RPP30: variants seen among roughly 807,000 people sequenced by gnomAD.
The protein encoded by RPP30 is ribonuclease P/MRP subunit p30, also known as ribonuclease P protein subunit p30.
RPP30 carries 36 observed loss-of-function variants against 38.6 expected under a neutral mutation model. The observed-to-expected ratio is 0.93, with a 90% CI of 0.71 to 1.23. The LOEUF (loss-of-function observed/expected upper bound fraction) is 1.23, where lower values mean the gene tolerates loss of function less well. Ranked by LOEUF, RPP30 falls within the 50% of genes most tolerant of loss-of-function variation. The pLI is 0.00. For missense variants in RPP30, 321 were observed against 321.7 expected (o/e 1.00, Z 0.02); for synonymous variants, 126 against 112.7 (o/e 1.12, Z -0.75).
Position 90,894,856 on chromosome 10 carries a change from A to G in RPP30, c.514A>G (p.Ser172Gly). Reference sequence around the variant, plus strand: ...CACAATGAGAAGGTATACAATTTCCAGTGCCCTCAATTTGATGCAAATCTG... The same window carrying G: ...CACAATGAGAAGGTATACAATTTCCGGTGCCCTCAATTTGATGCAAATCTG... ...DSTMRRYTIS[S>G]ALNLMQICKG... The change falls in exon 7 of 11, where the codon AGT becomes GGT. Residue 172 changes from serine (S) to glycine (G), a missense_variant. Coordinates refer to ENST00000371703, the MANE Select transcript of RPP30 (RefSeq NM_006413.5). The G allele has an allele frequency of 6.2e-7, 1 of 1,612,978 alleles. No individual in the cohort carries two copies.
At position 90,891,689 on chromosome 10, in the gene RPP30, A is replaced by G. The variant is rs551348101; in HGVS notation, c.433-3086A>G. ...GCTGACTTGGAAGAGCTTTCATGTC[A>G]GGACAACAATGCAGCAGACTACCTT... On this transcript the variant is annotated intron_variant, in intron 6 of 10. Transcript: ENST00000371703. Among the ~76,000 whole-genome samples the G allele has an allele frequency of 2.1e-3, 323 of 152,370 alleles. 2 individuals carry two copies. Among genetic ancestry groups the G allele is most frequent in the African/African-American group, 7.4e-3 (308 of 41,586 alleles).
Position 90,901,034 on chromosome 10 carries a change from TG to T in RPP30, c.*357del, listed in dbSNP as rs1311273600. 8.2e-6 allele frequency: 6 copies of T among 731,286 alleles called. No homozygotes were observed. Among genetic ancestry groups the T allele is most frequent in the African/African-American group, 1.9e-5 (1 of 51,420 alleles). 45.3% of individuals were successfully genotyped at this position (731,286 alleles called of 1,614,324 possible). On this transcript the variant is annotated 3_prime_UTR_variant, in exon 11 of 11. Coordinates refer to ENST00000371703, the MANE Select transcript of RPP30 (RefSeq NM_006413.5). ...CTTTGTTGCTCAGGCTGGAGTACAGTGGCATAATCACAGCTCACTGCAACCT... is the reference window on the plus strand; with the variant it reads ...CTTTGTTGCTCAGGCTGGAGTACAGTGCATAATCACAGCTCACTGCAACCT...
At chr10:90,908,165 ATTTTAT>A (rs1847273682), downstream of RPP30, 1 of 152,152 alleles carries the variant, frequency 6.6e-6, no homozygotes, top group Non-Finnish European at 1.5e-5. Flanking sequence ...TTTCAGCTTC[ATTTTAT>A]TTTTATGGGA....
intron 10 of RPP30, among the ~76,000 whole-genome samples, chr10:90,900,359 A>G (rs934107640): frequency 3.9e-5 from 6 of 152,256 alleles, no homozygotes; most frequent in Non-Finnish European, 8.8e-5. Context: ...CCCATGAGGT[A>G]ATCTTTAGGA....
chr10:90,907,507 A>G (rs1025605200), downstream of RPP30, among the ~76,000 whole-genome samples: 34 of 152,240 alleles, frequency 2.2e-4, no homozygotes, highest in African/African-American at 7.0e-4. Context: ...CCTTCTGGTT[A>G]TGGACTATGC....
At chr10:90,898,608 A>T (rs1013688146) in intron 10 of RPP30, among the ~76,000 whole-genome samples, 1 of 152,214 alleles carries the variant, frequency 6.6e-6, no homozygotes, top group Non-Finnish European at 1.5e-5. Context: ...ATGTCTACTC[A>T]GTCCTTAAAG....
chr10:90,906,236 T>C (rs76854523), downstream of RPP30, among the ~76,000 whole-genome samples: 4,998 of 152,252 alleles, frequency 0.033, 98 homozygotes, highest in Middle Eastern at 0.099. Context: ...CAAGGATGGC[T>C]TCCTGGAGGA....
chr10:90,893,506 G>A (rs1266040159), intron 6 of RPP30, among the ~76,000 whole-genome samples: 1 of 152,146 alleles, frequency 6.6e-6, no homozygotes, highest in Non-Finnish European at 1.5e-5. Context: ...TCTCTATGCT[G>A]AAAATCCTTC....
Position 90,901,402 on chromosome 10 carries a change from GCTT to G in RPP30, c.*727_*729del. 1 of 984,646 alleles carries G rather than the reference GCTT, an allele frequency of 1.0e-6. No homozygotes were observed. Among genetic ancestry groups the G allele is most frequent in the Non-Finnish European group, 1.2e-6 (1 of 829,288 alleles). 61.0% of individuals were successfully genotyped at this position (984,646 alleles called of 1,614,324 possible). A position where few individuals can be genotyped will look rare whatever the true frequency, so the allele number is the denominator to read the frequency against. The stretch of plus-strand genomic sequence containing the variant: ...GTGACTTTAGTTCCTCTTGTTTTAA[GCTT>G]CTTTCATGTATTCAAATCAGCATTT... On this transcript the variant is annotated 3_prime_UTR_variant, in exon 11 of 11. Transcript: ENST00000371703.
rs1187721181 is a variant in RPP30 at position 90,875,457 on chromosome 10, A to G, written c.139-101A>G. 18 of 926,682 alleles carry G rather than the reference A, an allele frequency of 1.9e-5. No individual in the cohort carries two copies. In the Admixed American group the frequency reaches 2.5e-4, roughly 13 times the overall value. 57.4% of individuals were successfully genotyped at this position (926,682 alleles called of 1,614,324 possible). ...AGAAATCACCTTGCTTTCTTTTTAAAAAAAATGCATATTTTTTCTGAGAAC... is the reference window on the plus strand; with the variant it reads ...AGAAATCACCTTGCTTTCTTTTTAAGAAAAATGCATATTTTTTCTGAGAAC... On this transcript the variant is annotated intron_variant, in intron 2 of 10. Transcript: ENST00000371703.
intron 6 of RPP30, among the ~76,000 whole-genome samples, chr10:90,891,390 C>G (rs1847080019): frequency 6.6e-6 from 1 of 152,188 alleles, no homozygotes; most frequent in South Asian, 2.1e-4. Flanking sequence ...AGGGGCCTAC[C>G]CTATTCCAAT....
intron 5 of RPP30, 76 bp from the exon 6 acceptor site, chr10:90,885,736 C>G (rs1846991720): frequency 1.2e-6 from 1 of 845,130 alleles, no homozygotes; most frequent in African/African-American, 1.7e-5. Flanking sequence ...TACTTTATAT[C>G]GAGTTTGACC....
chr10:90,901,885 C>T lies in RPP30; in HGVS notation c.*1206C>T. 1.6e-6 allele frequency: 1 copy of T among 620,696 alleles called. No homozygotes were observed. The highest frequency in any genetic ancestry group is 2.0e-6 in the Non-Finnish European group (1 of 500,938). 38.4% of individuals were successfully genotyped at this position (620,696 alleles called of 1,614,324 possible). ...CCAGGCTGGAGTGCAGTGGCTCGAT[C>T]TCTGCTCACTGCAAGCTCCGCCTCC... is the stretch of plus-strand genomic sequence containing the variant. On this transcript the variant is annotated 3_prime_UTR_variant, in exon 11 of 11. Transcript: ENST00000371703.
At chr10:90,900,253 T>C (rs1443432592) in intron 10 of RPP30, among the ~76,000 whole-genome samples, 1 of 152,248 alleles carries the variant, frequency 6.6e-6, no homozygotes, top group East Asian at 1.9e-4. Context: ...GTCTACCATA[T>C]ATAAAGTGTC....
chr10:90,878,715 A>G (rs963096039), intron 4 of RPP30, among the ~76,000 whole-genome samples: 61 of 151,298 alleles, frequency 4.0e-4, no homozygotes, highest in African/African-American at 1.4e-3. Context: ...CTAGTCTCAA[A>G]CTCCTGGGCT....
At chr10:90,886,368 A>G (rs1008779568) in intron 6 of RPP30, among the ~76,000 whole-genome samples, 2 of 152,208 alleles carry the variant, frequency 1.3e-5, no homozygotes, top group Admixed American at 1.3e-4. Flanking sequence ...CTTATTCACA[A>G]AGAGCCCAGA....
intron 1 of RPP30, among the ~76,000 whole-genome samples, chr10:90,872,534 A>G (rs771889148): frequency 1.3e-5 from 2 of 151,986 alleles, no homozygotes; most frequent in Admixed American, 6.6e-5. Context: ...AGACAGAGAG[A>G]GGGTAGGTGG....
At chr10:90,887,978 C>T (rs1015195165) in intron 6 of RPP30, among the ~76,000 whole-genome samples, 9 of 152,186 alleles carry the variant, frequency 5.9e-5, no homozygotes, top group African/African-American at 2.2e-4. Context: ...ATAAAAGCCA[C>T]AAATTAATAC....
downstream of RPP30, chr10:90,903,127 G>A: frequency 2.4e-6 from 2 of 832,174 alleles, no homozygotes; most frequent in East Asian, 2.4e-5. Flanking sequence ...AAATTTGGGG[G>A]TGATCAGTAA....
Sources: allele counts gnomAD v4.1 joint callset (sites outside exome capture counted in the v4.1 genomes callset), GRCh38; gene constraint gnomAD v4.1.1; transcripts MANE v1.5; gene names NCBI Gene and HGNC (gene_info 2026-07-23, HGNC 2026-07-21).